Variants in HMGA2 observed in about 807,000 individuals in gnomAD.
HMGA2 encodes high mobility group protein HMGI-C.
A neutral mutation model predicts 19.1 loss-of-function variants in HMGA2; 8 were observed. That is an observed-to-expected ratio of 0.42 (90% CI 0.25 to 0.76). The LOEUF (loss-of-function observed/expected upper bound fraction) is 0.76. Ranked by LOEUF, HMGA2 falls within the 30% of genes least tolerant of loss-of-function variation. The probability of loss-of-function intolerance (pLI) is 0.28; values close to 1 mark genes in which losing one functional copy is unlikely to be tolerated. For missense variants in HMGA2, 109 were observed against 136.3 expected, an observed-to-expected ratio of 0.80 and a Z score of 1.00; for synonymous variants, 60 against 48.8, an observed-to-expected ratio of 1.23 and a Z score of -0.96.
chr12:65,888,195 C>A (rs1027394289), intron 3 of HMGA2, among the ~76,000 whole-genome samples: 12 of 152,076 alleles, frequency 7.9e-5, no homozygotes, highest in African/African-American at 2.4e-4. Context: ...GTGGCACACA[C>A]CTGTAATCCC....
intron 4 of HMGA2, chr12:65,952,683 A>G: frequency 2.9e-6 from 1 of 347,122 alleles, no homozygotes; most frequent in Non-Finnish European, 5.2e-6. Context: ...GAACCCAAAT[A>G]TATTTAGCCT....
Position 65,910,544 on chromosome 12 carries a change from G to A in HMGA2, c.250-40839G>A, listed in dbSNP as rs530394296. Among the ~76,000 whole-genome samples, 23 of 152,202 alleles carry A rather than the reference G, an allele frequency of 1.5e-4. No homozygotes were observed. In the South Asian group the frequency reaches 4.4e-3, roughly 29 times the overall value. On this transcript the variant is annotated intron_variant, in intron 3 of 4. Transcript: ENST00000403681. The stretch of plus-strand genomic sequence containing the variant: ...TGTATCTTTAGCCATGAATATGAAC[G>A]CATGTAGTTGATAATTCTACATAAG...
Position 65,910,688 on chromosome 12 carries a change from T to C in HMGA2, c.250-40695T>C, listed in dbSNP as rs138522576. 3.5e-3 allele frequency among the ~76,000 whole-genome samples: 532 copies of C among 152,318 alleles called. 3 individuals carry two copies. Among genetic ancestry groups the C allele is most frequent in the Admixed American group, 9.2e-3 (140 of 15,294 alleles). ...GGGTACTAGGTCCTCAGACACTTTT[T>C]ACAGTTTTCTCCTTTTTTTCTTTTT... On this transcript the variant is annotated intron_variant, in intron 3 of 4. Transcript: ENST00000403681.
At chr12:65,878,810 G>A (rs887586283) in intron 3 of HMGA2, among the ~76,000 whole-genome samples, 10 of 152,090 alleles carry the variant, frequency 6.6e-5, no homozygotes, top group African/African-American at 2.2e-4. Flanking sequence ...ATAAACTCCC[G>A]GCCTCTGAAA....
intron 3 of HMGA2, among the ~76,000 whole-genome samples, chr12:65,888,766 T>G (rs1873779763): frequency 6.6e-6 from 1 of 151,312 alleles, no homozygotes. Context: ...GGTTTCACCG[T>G]GTTAGCCAGG....
At chr12:65,918,762 T>C (rs1875198853) in intron 3 of HMGA2, among the ~76,000 whole-genome samples, 1 of 152,208 alleles carries the variant, frequency 6.6e-6, no homozygotes. Context: ...TTTAATGCTC[T>C]ACCACAGATG....
chr12:65,947,665 C>T (rs1284474576), intron 3 of HMGA2, among the ~76,000 whole-genome samples: 1 of 152,222 alleles, frequency 6.6e-6, no homozygotes, highest in East Asian at 1.9e-4. Context: ...ACTGTATAAA[C>T]TCCCTATGTG....
At chr12:65,847,721 G>A (rs1871285798) in intron 3 of HMGA2, among the ~76,000 whole-genome samples, 1 of 152,128 alleles carries the variant, frequency 6.6e-6, no homozygotes, top group African/African-American at 2.4e-5. Flanking sequence ...AATTAAATGA[G>A]AAGCCATCAA....
At chr12:65,918,302 G>A (rs1875181666) in intron 3 of HMGA2, among the ~76,000 whole-genome samples, 2 of 152,170 alleles carry the variant, frequency 1.3e-5, no homozygotes, top group Admixed American at 1.3e-4. Flanking sequence ...CGTTCTGGAG[G>A]GAAATCACAT....
rs148521726 is a variant in HMGA2 at position 65,836,390 on chromosome 12, C to T, written c.199-2129C>T. Reference sequence around the variant, plus strand: ...AAAAAAAAAAAAAAAGAAAAACTCCCTTTAAGGGTTCCATCTAGTTAGGAG... The same window carrying T: ...AAAAAAAAAAAAAAAGAAAAACTCCTTTTAAGGGTTCCATCTAGTTAGGAG... On this transcript the variant is annotated intron_variant, in intron 2 of 4. Coordinates refer to ENST00000403681, the MANE Select transcript of HMGA2 (RefSeq NM_003483.6). 2.3e-3 allele frequency among the ~76,000 whole-genome samples: 343 copies of T among 152,014 alleles called. 2 individuals carry two copies. The highest frequency in any genetic ancestry group is 0.021 in the Admixed American group (315 of 15,256).
intron 4 of HMGA2, among the ~76,000 whole-genome samples, chr12:65,960,547 T>A (rs1876724014): frequency 6.6e-6 from 1 of 152,182 alleles, no homozygotes; most frequent in Admixed American, 6.5e-5. Flanking sequence ...CCCCACCACA[T>A]CAACCCTTTG....
chr12:65,889,102 T>G (rs1316217623), intron 3 of HMGA2, among the ~76,000 whole-genome samples: 5 of 152,210 alleles, frequency 3.3e-5, no homozygotes, highest in African/African-American at 1.2e-4. Flanking sequence ...TCTTAAATGT[T>G]TCTTAAAAGA....
intron 3 of HMGA2, among the ~76,000 whole-genome samples, chr12:65,911,180 T>C (rs1326338850): frequency 1.3e-5 from 2 of 152,242 alleles, no homozygotes; most frequent in Non-Finnish European, 2.9e-5. Context: ...TATACTTTGA[T>C]GACTTACATT....
chr12:65,906,446 A>G (rs1288313695), intron 3 of HMGA2, among the ~76,000 whole-genome samples: 2 of 152,236 alleles, frequency 1.3e-5, no homozygotes, highest in Non-Finnish European at 2.9e-5. Context: ...ACATTCATTA[A>G]TAAGTGTGTA....
intron 3 of HMGA2, among the ~76,000 whole-genome samples, chr12:65,852,729 G>T (rs1871537340): frequency 6.6e-6 from 1 of 152,058 alleles, no homozygotes; most frequent in African/African-American, 2.4e-5. Flanking sequence ...CATATCAAAA[G>T]AATTCCAACA....
At chr12:65,848,666 C>G (rs994005052) in intron 3 of HMGA2, among the ~76,000 whole-genome samples, 4 of 151,964 alleles carry the variant, frequency 2.6e-5, no homozygotes, top group African/African-American at 9.7e-5. Flanking sequence ...ACCATCCTGG[C>G]TAACAAGGTG....
chr12:65,851,123 C>T (rs1871442583), intron 3 of HMGA2, among the ~76,000 whole-genome samples: 1 of 152,156 alleles, frequency 6.6e-6, no homozygotes, highest in Non-Finnish European at 1.5e-5. Context: ...CCTTTGTTAC[C>T]TCTCTGAGAC....
intron 3 of HMGA2, among the ~76,000 whole-genome samples, chr12:65,886,868 C>A (rs1177816101): frequency 6.6e-6 from 1 of 152,178 alleles, no homozygotes; most frequent in Non-Finnish European, 1.5e-5. Flanking sequence ...TGAACATACT[C>A]TTGCTTTTTC....
At chr12:65,934,277 GA>G (rs761615969) in intron 3 of HMGA2, among the ~76,000 whole-genome samples, 15 of 152,248 alleles carry the variant, frequency 9.9e-5, no homozygotes, top group Middle Eastern at 3.4e-3. Flanking sequence ...GGGCTGGGGG[GA>G]TAAAACCAGT....
Sources: allele counts gnomAD v4.1 joint callset (sites outside exome capture counted in the v4.1 genomes callset), GRCh38; gene constraint gnomAD v4.1.1; transcripts MANE v1.5; gene names NCBI Gene and HGNC (gene_info 2026-07-23, HGNC 2026-07-21).